The following PTPN13 variants were observed in gnomAD, a reference collection of about 807,000 sequenced individuals.
PTPN13 encodes the protein tyrosine-protein phosphatase non-receptor type 13.
A neutral mutation model predicts 284.0 loss-of-function variants in PTPN13; 191 were observed. That is an observed-to-expected ratio of 0.67 (90% CI 0.60 to 0.76). The LOEUF (loss-of-function observed/expected upper bound fraction) is 0.76, where lower values mean the gene tolerates loss of function less well. Ranked by LOEUF, PTPN13 falls within the 30% of genes least tolerant of loss-of-function variation. The pLI, the probability that PTPN13 is intolerant of heterozygous loss-of-function variation, is 0.00. For missense variants in PTPN13, 2,797 were observed against 2,939.9 expected, an observed-to-expected ratio of 0.95 and a Z score of 1.12; for synonymous variants, 986 against 1,022.3, an observed-to-expected ratio of 0.96 and a Z score of 0.68.
intron 20 of PTPN13, 70 bp from the exon 21 acceptor site, chr4:86,758,190 G>A (rs2149232190): frequency 1.8e-6 from 2 of 1,098,712 alleles, no homozygotes; most frequent in South Asian, 1.6e-5. Flanking sequence ...CATTTAAATT[G>A]TTAAAACAAG....
At chr4:86,794,079 T>C (rs76198280) in intron 40 of PTPN13, among the ~76,000 whole-genome samples, 6 of 152,178 alleles carry the variant, frequency 3.9e-5, no homozygotes, top group African/African-American at 1.4e-4. Context: ...TTTGAAAATA[T>C]CAACAAAATA....
chr4:86,741,864 A>T, intron 16 of PTPN13, 48 bp downstream of exon 16: 1 of 1,473,156 alleles, frequency 6.8e-7, no homozygotes, highest in Non-Finnish European at 9.2e-7. Flanking sequence ...TGATATTACC[A>T]ACTTCCAATG....
chr4:86,670,722 A>G (rs1727635290), intron 2 of PTPN13, among the ~76,000 whole-genome samples: 1 of 152,136 alleles, frequency 6.6e-6, no homozygotes, highest in African/African-American at 2.4e-5. Flanking sequence ...TGTGACATGA[A>G]ATCTCATGGT....
intron 2 of PTPN13, among the ~76,000 whole-genome samples, chr4:86,644,918 C>T (rs527988848): frequency 1.3e-5 from 2 of 152,018 alleles, no homozygotes; most frequent in Non-Finnish European, 2.9e-5. Context: ...AAAAAGCTCT[C>T]AACTCAACGC....
intron 10 of PTPN13, among the ~76,000 whole-genome samples, chr4:86,728,571 G>A (rs1409764067): frequency 7.0e-6 from 1 of 143,736 alleles, no homozygotes; most frequent in Non-Finnish European, 1.5e-5. Flanking sequence ...TTATGTAATG[G>A]CCTTCTTTGT....
chr4:86,679,526 G>A (rs547719758), intron 3 of PTPN13, among the ~76,000 whole-genome samples: 32 of 152,294 alleles, frequency 2.1e-4, no homozygotes, highest in South Asian at 1.2e-3. Flanking sequence ...GAGGTGTGAC[G>A]CAGCCACCTA....
chr4:86,718,497 C>CTG (rs1391457006), intron 9 of PTPN13, among the ~76,000 whole-genome samples: 1 of 147,478 alleles, frequency 6.8e-6, no homozygotes, highest in Non-Finnish European at 1.5e-5. Context: ...GCTGCCCAGA[C>CTG]TGTAATGCAG....
Position 86,780,468 on chromosome 4 carries a change from C to T in PTPN13, c.5958C>T (p.Gly1986=), listed in dbSNP as rs767673225. 1.0e-5 allele frequency: 16 copies of T among 1,595,856 alleles called. No individual in the cohort carries two copies. In the South Asian group the frequency reaches 1.8e-4, roughly 18 times the overall value. ...TTTCAGCTCCAAAGTCAACCAAAGG[C>T]AATGGTAAGGATATATTCATTTTAC... The part of the protein sequence containing the change: ...SAVSAPKSTK[G]NGSYSVGSCS... Residue 1986 remains glycine (G), a synonymous_variant, in exon 36 of 48, where the codon GGC becomes GGT. Coordinates refer to ENST00000411767, the MANE Select transcript of PTPN13 (RefSeq NM_080683.3).
At chr4:86,773,411 T>A (rs933069498) in intron 32 of PTPN13, among the ~76,000 whole-genome samples, 1 of 152,174 alleles carries the variant, frequency 6.6e-6, no homozygotes, top group Admixed American at 6.5e-5. Flanking sequence ...GAATGTAATT[T>A]TTTTTTTCTC....
rs1578746424 is a variant in PTPN13 at position 86,814,577 on chromosome 4, T to G, written c.*26T>G. Reference sequence around the variant, plus strand: ...CATGAAAAGAGCCTCTGGATGCATTTCCATTTCTCTCCTTAACCTCCAGCA... The same window carrying G: ...CATGAAAAGAGCCTCTGGATGCATTGCCATTTCTCTCCTTAACCTCCAGCA... On this transcript the variant is annotated 3_prime_UTR_variant, in exon 48 of 48. Coordinates refer to ENST00000411767, the MANE Select transcript of PTPN13 (RefSeq NM_080683.3). 6.4e-7 allele frequency: 1 copy of G among 1,551,606 alleles called. No individual in the cohort carries two copies. The highest frequency in any genetic ancestry group is 1.1e-5 in the South Asian group (1 of 89,142).
At chr4:86,741,370 G>T (rs899184659) in intron 15 of PTPN13, among the ~76,000 whole-genome samples, 1 of 152,144 alleles carries the variant, frequency 6.6e-6, no homozygotes, top group South Asian at 2.1e-4. Context: ...TCACATGGAG[G>T]CAGACAAGAG....
At chr4:86,813,288 G>C (rs1345997939) in intron 47 of PTPN13, among the ~76,000 whole-genome samples, 1 of 152,068 alleles carries the variant, frequency 6.6e-6, no homozygotes, top group Non-Finnish European at 1.5e-5. Flanking sequence ...AATATATTGT[G>C]AGTTTTTTAT....
rs1044652622 is a variant in PTPN13, at chr4:86,701,530, A to T, written c.924A>T (p.Thr308=). The T allele has an allele frequency of 1.2e-6, 2 of 1,613,892 alleles. No individual in the cohort carries two copies. Among genetic ancestry groups the T allele is most frequent in the African/African-American group, 2.7e-5 (2 of 74,934 alleles). The change falls in exon 7 of 48, where the codon ACA becomes ACT. Residue 308 remains threonine (T), a synonymous_variant. Coordinates refer to ENST00000411767, the MANE Select transcript of PTPN13 (RefSeq NM_080683.3). The stretch of plus-strand genomic sequence containing the variant: ...CTTCATCCATGGACTTGCTTTGTAC[A>T]GCTGACAGAGACTTCTCTTCAGGAG... ...IWASSMDLLC[T]ADRDFSSGET... is the part of the protein sequence containing the mutation.
At chr4:86,704,179 C>A (rs957748769) in intron 7 of PTPN13, among the ~76,000 whole-genome samples, 1 of 151,990 alleles carries the variant, frequency 6.6e-6, no homozygotes, top group Non-Finnish European at 1.5e-5. Flanking sequence ...AGCGAAACTC[C>A]GTCTCAAATA....
intron 3 of PTPN13, among the ~76,000 whole-genome samples, chr4:86,684,100 T>TAA (rs3971792): frequency 7.8e-4 from 108 of 138,100 alleles, no homozygotes; most frequent in African/African-American, 2.2e-3. Context: ...TAAGATATGT[T>TAA]AAAAAAAAAA....
At chr4:86,693,787 G>A (rs545197248) in intron 6 of PTPN13, 113 bp downstream of exon 6, 8 of 638,428 alleles carry the variant, frequency 1.3e-5, no homozygotes, top group African/African-American at 3.6e-5. Context: ...TGATTAGAAC[G>A]TAAACGTACA....
intron 3 of PTPN13, among the ~76,000 whole-genome samples, chr4:86,680,150 T>C (rs1323187083): frequency 1.3e-5 from 2 of 152,180 alleles, no homozygotes; most frequent in East Asian, 1.9e-4. Context: ...AAATAGTAAC[T>C]ATCACTATTA....
At chr4:86,743,813 A>G (rs1736430743) in intron 16 of PTPN13, among the ~76,000 whole-genome samples, 1 of 152,166 alleles carries the variant, frequency 6.6e-6, no homozygotes, top group South Asian at 2.1e-4. Flanking sequence ...AGCCTACTAA[A>G]TTTGGCTTTT....
At chr4:86,778,800 G>A (rs1270905412) in intron 35 of PTPN13, among the ~76,000 whole-genome samples, 6 of 151,870 alleles carry the variant, frequency 4.0e-5, no homozygotes, top group East Asian at 1.9e-4. Flanking sequence ...TTTTTTTAAC[G>A]AGAAAAACAC....
Sources: allele counts gnomAD v4.1 joint callset (sites outside exome capture counted in the v4.1 genomes callset), GRCh38; gene constraint gnomAD v4.1.1; transcripts MANE v1.5; gene names NCBI Gene and HGNC (gene_info 2026-07-23, HGNC 2026-07-21).